TMEM132D: variants seen among roughly 807,000 people sequenced by gnomAD.
TMEM132D encodes transmembrane protein 132D.
In TMEM132D, 21 loss-of-function variants were observed where a neutral mutation model predicts 62.3. That is an observed-to-expected ratio of 0.34 (90% CI 0.24 to 0.49). The LOEUF (loss-of-function observed/expected upper bound fraction) is 0.49, where lower values mean the gene tolerates loss of function less well. Ranked by LOEUF, TMEM132D falls within the 20% of genes least tolerant of loss-of-function variation. TMEM132D has a pLI of 0.99. For synonymous variants in TMEM132D, 621 were observed against 575.6 expected (o/e 1.08, Z -1.13); for missense variants, 1,346 against 1,402.8 (o/e 0.96, Z 0.65).
At chr12:129,702,403 A>T (rs1464872643) in intron 1 of TMEM132D, among the ~76,000 whole-genome samples, 1 of 152,256 alleles carries the variant, frequency 6.6e-6, no homozygotes, top group Admixed American at 6.5e-5. Context: ...CTTTATAGAA[A>T]TAACTCCTGA....
chr12:129,572,240 A>C (rs1445040417), intron 2 of TMEM132D, among the ~76,000 whole-genome samples: 2 of 152,234 alleles, frequency 1.3e-5, no homozygotes, highest in Non-Finnish European at 2.9e-5. Flanking sequence ...AACGTGAGTG[A>C]AGCTTCATGC....
chr12:129,764,364 G>A (rs879876532), intron 1 of TMEM132D, among the ~76,000 whole-genome samples: 1 of 152,148 alleles, frequency 6.6e-6, no homozygotes, highest in African/African-American at 2.4e-5. Context: ...TATTATAGTA[G>A]GGTTAAGAAA....
intron 2 of TMEM132D, among the ~76,000 whole-genome samples, chr12:129,599,455 A>T (rs1035463865): frequency 3.3e-5 from 5 of 152,236 alleles, no homozygotes; most frequent in African/African-American, 1.2e-4. Context: ...ATTTAAACCT[A>T]AAACATGACT....
intron 4 of TMEM132D, among the ~76,000 whole-genome samples, chr12:129,332,298 TAA>T (rs889910768): frequency 6.6e-6 from 1 of 151,268 alleles, no homozygotes; most frequent in African/African-American, 2.4e-5. Flanking sequence ...ATTAAGAAAC[TAA>T]AAAGTTTCAA....
At chr12:129,888,023 AAAT>A (rs1365527866) in intron 1 of TMEM132D, among the ~76,000 whole-genome samples, 1 of 152,222 alleles carries the variant, frequency 6.6e-6, no homozygotes, top group African/African-American at 2.4e-5. Context: ...CTGAAAATGT[AAAT>A]AATATTATTT....
intron 4 of TMEM132D, among the ~76,000 whole-genome samples, chr12:129,214,246 T>G (rs1306398280): frequency 1.3e-5 from 2 of 149,138 alleles, no homozygotes; most frequent in Non-Finnish European, 3.0e-5. Context: ...TCTGATGGAT[T>G]GGAACCAGAA....
chr12:129,619,257 C>T (rs1879000513), intron 2 of TMEM132D, among the ~76,000 whole-genome samples: 1 of 152,094 alleles, frequency 6.6e-6, no homozygotes, highest in African/African-American at 2.4e-5. Flanking sequence ...GTCGAGGGGC[C>T]TTCGAATTTT....
intron 5 of TMEM132D, among the ~76,000 whole-genome samples, chr12:129,197,280 A>G (rs571438509): frequency 9.2e-5 from 14 of 152,302 alleles, no homozygotes; most frequent in Middle Eastern, 3.4e-3. Context: ...AACATGCCCA[A>G]TCTCATCCCC....
intron 1 of TMEM132D, among the ~76,000 whole-genome samples, chr12:129,895,927 G>C (rs1240236669): frequency 6.8e-6 from 1 of 146,608 alleles, no homozygotes; most frequent in African/African-American, 2.5e-5. Flanking sequence ...ACCAGCTTTT[G>C]AAATCAAAAG....
intron 3 of TMEM132D, among the ~76,000 whole-genome samples, chr12:129,432,755 G>A (rs1378361237): frequency 6.6e-6 from 1 of 152,202 alleles, no homozygotes; most frequent in East Asian, 1.9e-4. Flanking sequence ...GGCAAATTAA[G>A]GAGGATACAT....
chr12:129,343,515 T>C lies in TMEM132D; in HGVS notation c.1116-5698A>G, dbSNP rs1451137609. 2.6e-5 allele frequency among the ~76,000 whole-genome samples: 4 copies of C among 152,120 alleles called. No individual in the cohort carries two copies. In the East Asian group the frequency reaches 5.8e-4, roughly 22 times the overall value. On this transcript the variant is annotated intron_variant, in intron 3 of 8. Transcript: ENST00000422113. ...AGGTGCAGCACACCAACATGTCACA[T>C]GTATACATATGTAACAAACCTGCAC...
intron 2 of TMEM132D, among the ~76,000 whole-genome samples, chr12:129,563,467 G>T (rs1227880654): frequency 1.3e-5 from 2 of 152,114 alleles, no homozygotes; most frequent in East Asian, 3.9e-4. Flanking sequence ...TTTCTAAGAG[G>T]GGAGAGTGGG....
At chr12:129,736,073 A>C (rs1405412013) in intron 1 of TMEM132D, among the ~76,000 whole-genome samples, 1 of 152,166 alleles carries the variant, frequency 6.6e-6, no homozygotes, top group Non-Finnish European at 1.5e-5. Context: ...GTACATCCTC[A>C]TCTCGCCCAT....
chr12:129,488,098 C>T (rs773624979), intron 3 of TMEM132D, among the ~76,000 whole-genome samples: 13 of 152,072 alleles, frequency 8.5e-5, no homozygotes, highest in Admixed American at 2.0e-4. Context: ...ATCTTGGAAG[C>T]GAGAGCAGCT....
intron 4 of TMEM132D, among the ~76,000 whole-genome samples, chr12:129,253,842 A>G (rs1880332820): frequency 6.6e-6 from 1 of 152,206 alleles, no homozygotes. Flanking sequence ...TTCCACGGGA[A>G]TTAACATGGG....
chr12:129,190,107 AG>A (rs1329939826), intron 5 of TMEM132D, among the ~76,000 whole-genome samples: 3 of 24,070 alleles, frequency 1.2e-4, no homozygotes, highest in East Asian at 2.6e-3. Context: ...TTGCAGATGG[AG>A]GGAGGGGTCT....
At chr12:129,121,354 C>T (rs1593268230) in intron 5 of TMEM132D, among the ~76,000 whole-genome samples, 3 of 152,272 alleles carry the variant, frequency 2.0e-5, no homozygotes, top group Admixed American at 2.0e-4. Context: ...CATTTAGCCT[C>T]CCAAAGTGCT....
intron 1 of TMEM132D, among the ~76,000 whole-genome samples, chr12:129,897,453 C>T (rs1436128093): frequency 6.6e-6 from 1 of 152,102 alleles, no homozygotes; most frequent in Non-Finnish European, 1.5e-5. Context: ...CTGCCCAGGA[C>T]CCTACACATG....
At chr12:129,558,605 C>T (rs1475457294) in intron 2 of TMEM132D, among the ~76,000 whole-genome samples, 1 of 152,120 alleles carries the variant, frequency 6.6e-6, no homozygotes, top group African/African-American at 2.4e-5. Flanking sequence ...CTCTCATTGG[C>T]AGACCGTAAC....
Sources: allele counts gnomAD v4.1 joint callset (sites outside exome capture counted in the v4.1 genomes callset), GRCh38; gene constraint gnomAD v4.1.1; transcripts MANE v1.5; gene names NCBI Gene and HGNC (gene_info 2026-07-23, HGNC 2026-07-21).